The following PHF20L1 variants were observed in gnomAD, a reference collection of about 807,000 sequenced individuals.
PHF20L1 encodes PHD finger protein 20-like protein 1.
A neutral mutation model predicts 125.5 loss-of-function variants in PHF20L1; 44 were observed. The observed-to-expected ratio is 0.35, with a 90% CI of 0.28 to 0.45. PHF20L1 has a LOEUF of 0.45. Ranked by LOEUF, PHF20L1 falls within the 20% of genes least tolerant of loss-of-function variation. The pLI, the probability that PHF20L1 is intolerant of heterozygous loss-of-function variation, is 1.00. For missense variants in PHF20L1, 1,012 were observed against 1,217.2 expected, an observed-to-expected ratio of 0.83 and a Z score of 2.51; for synonymous variants, 380 against 403.1, an observed-to-expected ratio of 0.94 and a Z score of 0.69.
intron 16 of PHF20L1, among the ~76,000 whole-genome samples, chr8:132,837,192 G>A (rs949884976): frequency 3.3e-5 from 5 of 152,072 alleles, no homozygotes; most frequent in African/African-American, 1.2e-4. Flanking sequence ...TAAAAGGAAA[G>A]CATAACCCAA....
At position 132,846,063 on chromosome 8, in the gene PHF20L1, C is replaced by T; in HGVS notation, c.*140C>T. 1 of 597,260 alleles carries T rather than the reference C, an allele frequency of 1.7e-6. No homozygotes were observed. Among genetic ancestry groups the T allele is most frequent in the African/African-American group, 1.9e-5 (1 of 53,948 alleles). 37.0% of individuals were successfully genotyped at this position (597,260 alleles called of 1,614,324 possible). On this transcript the variant is annotated 3_prime_UTR_variant, in exon 21 of 21. Coordinates refer to ENST00000395386, the MANE Select transcript of PHF20L1 (RefSeq NM_016018.5). ...ATTTGTGATGTCAATAGGATGGCAC[C>T]TTGGAAAGAAAAATGAAGAACAACT...
At chr8:132,777,692 G>A (rs1213253122) in intron 1 of PHF20L1, 100 bp from the exon 2 acceptor site, 1 of 601,588 alleles carries the variant, frequency 1.7e-6, no homozygotes. Flanking sequence ...CTCATGTATT[G>A]TTTTAGAAAT....
intron 12 of PHF20L1, among the ~76,000 whole-genome samples, chr8:132,820,306 A>G (rs1223949872): frequency 6.6e-6 from 1 of 151,798 alleles, no homozygotes; most frequent in Non-Finnish European, 1.5e-5. Context: ...GTTTTTTGAA[A>G]AGGGGTCTTT....
intron 15 of PHF20L1, among the ~76,000 whole-genome samples, chr8:132,834,521 A>T (rs1837130060): frequency 6.6e-6 from 1 of 151,908 alleles, no homozygotes; most frequent in Non-Finnish European, 1.5e-5. Context: ...TTTTGTAGAG[A>T]TGAGGGCTTG....
At chr8:132,778,924 C>A (rs1830123835) in intron 2 of PHF20L1, among the ~76,000 whole-genome samples, 1 of 152,174 alleles carries the variant, frequency 6.6e-6, no homozygotes, top group Non-Finnish European at 1.5e-5. Context: ...TGATTTAAAA[C>A]CATACTGGGC....
intron 9 of PHF20L1, among the ~76,000 whole-genome samples, chr8:132,814,360 C>T (rs1276381873): frequency 6.6e-6 from 1 of 151,662 alleles, no homozygotes; most frequent in Non-Finnish European, 1.5e-5. Context: ...AATATTTGTC[C>T]AGTAAGATAA....
At chr8:132,784,503 A>AT (rs999208024) in intron 2 of PHF20L1, among the ~76,000 whole-genome samples, 61 of 148,698 alleles carry the variant, frequency 4.1e-4, no homozygotes, top group African/African-American at 9.6e-4. Flanking sequence ...GGGATGACAG[A>AT]TTTTTTTTTT....
rs1831193272 is a variant in PHF20L1 at position 132,787,532 on chromosome 8, C to T, written c.84-6878C>T. On this transcript the variant is annotated intron_variant, in intron 2 of 20. Transcript: ENST00000395386. Reference sequence around the variant, plus strand: ...AGTGTTGGAGAAGATATAATTTTGACCTATGAGCTATCATCTGAATGGTTT... The same window carrying T: ...AGTGTTGGAGAAGATATAATTTTGATCTATGAGCTATCATCTGAATGGTTT... 4.6e-5 allele frequency among the ~76,000 whole-genome samples: 7 copies of T among 152,096 alleles called. No homozygotes were observed. The South Asian group carries it at 1.5e-3, about 32-fold the overall frequency.
chr8:132,784,205 G>A (rs1278355072), intron 2 of PHF20L1, among the ~76,000 whole-genome samples: 1 of 151,962 alleles, frequency 6.6e-6, no homozygotes, highest in African/African-American at 2.4e-5. Context: ...TTGCTCTAGT[G>A]TTCTTCCTTT....
At chr8:132,816,733 C>T in intron 10 of PHF20L1, 155 bp from the exon 11 acceptor site, 1 of 539,310 alleles carries the variant, frequency 1.9e-6, no homozygotes, top group Non-Finnish European at 3.2e-6. Flanking sequence ...CAATTTTTGC[C>T]TTTGATTACC....
At chr8:132,836,376 G>A (rs1478928213) in intron 15 of PHF20L1, 164 bp from the exon 16 acceptor site, 2 of 506,260 alleles carry the variant, frequency 4.0e-6, no homozygotes, top group Non-Finnish European at 3.4e-6. Flanking sequence ...AAAATCTTTT[G>A]TTTCCATGTC....
Position 132,798,827 on chromosome 8 carries a change from C to T in PHF20L1, c.396C>T (p.His132=). 3 of 1,609,358 alleles carry T rather than the reference C, an allele frequency of 1.9e-6. No individual in the cohort carries two copies. Among genetic ancestry groups the T allele is most frequent in the Non-Finnish European group, 2.5e-6 (3 of 1,177,070 alleles). ...DGVIRCLKRM[H]IKAMPEDAKG... ...TAATTCGTTGTTTAAAAAGAATGCA[C>T]ATTAAAGCCATGCCCGAGGATGCTA... Residue 132 remains histidine (H), a synonymous_variant, in exon 5 of 21, where the codon CAC becomes CAT. Transcript: ENST00000395386.
chr8:132,846,137 A>G lies in PHF20L1; in HGVS notation c.*214A>G, dbSNP rs985359768. On this transcript the variant is annotated 3_prime_UTR_variant, in exon 21 of 21. Coordinates refer to ENST00000395386, the MANE Select transcript of PHF20L1 (RefSeq NM_016018.5). ...AAACAAATTCATGAGCAAGCTGCAAATGAGAATGTGTTATATGCCAAGGAA... is the reference window on the plus strand; with the variant it reads ...AAACAAATTCATGAGCAAGCTGCAAGTGAGAATGTGTTATATGCCAAGGAA... The G allele has an allele frequency of 2.1e-6, 1 of 483,688 alleles. No homozygotes were observed. 30.0% of individuals were successfully genotyped at this position (483,688 alleles called of 1,614,324 possible).
chr8:132,845,863 A>G lies in PHF20L1; in HGVS notation c.2994A>G (p.Ile998Met), dbSNP rs1459540125. 1.2e-6 allele frequency: 2 copies of G among 1,612,210 alleles called. No homozygotes were observed. Among genetic ancestry groups the G allele is most frequent in the South Asian group, 2.2e-5 (2 of 91,018 alleles). ...LARLPQLKRH[I>M]KQLLIDMGKV... Reference sequence around the variant, plus strand: ...GATTGCCCCAACTTAAACGCCACATAAAACAGCTCCTAATTGACATGGGCA... The same window carrying G: ...GATTGCCCCAACTTAAACGCCACATGAAACAGCTCCTAATTGACATGGGCA... The change falls in exon 21 of 21, where the codon ATA becomes ATG. Residue 998 changes from isoleucine (I) to methionine (M), a missense_variant. Ile to Met is a conservative substitution (Grantham distance 10, BLOSUM62 1). Around this residue, in one of 7 missense-constraint regions of PHF20L1, gnomAD observed 277 missense variants for 283.6 expected, o/e 0.98. Coordinates refer to ENST00000395386, the MANE Select transcript of PHF20L1 (RefSeq NM_016018.5).
chr8:132,824,045 A>T lies in PHF20L1; in HGVS notation c.1621A>T (p.Ser541Cys). 6.3e-7 allele frequency: 1 copy of T among 1,598,682 alleles called. No individual in the cohort carries two copies. Among genetic ancestry groups the T allele is most frequent in the Non-Finnish European group, 8.6e-7 (1 of 1,168,020 alleles). ...AAAAAAAGTGAAATTGGAAGACAAA[A>T]GCTCAACAGCATTTGGTATGAACAG... ...TEKKVKLEDK[S>C]STAFGKRKEK... Residue 541 changes from serine to cysteine, a missense_variant, in exon 13 of 21, where the codon AGC (serine) becomes TGC (cysteine). This residue lies in a region of PHF20L1 where 320 missense variants were observed against 293.8 expected (regional missense o/e 1.09). Transcript: ENST00000395386.
Position 132,794,527 on chromosome 8 carries a change from C to T in PHF20L1, c.201C>T (p.Pro67=). The change falls in exon 3 of 21, where the codon CCC becomes CCT. Residue 67 remains proline, a synonymous_variant. Transcript: ENST00000395386. ...ACTGGGATAGCAATAGATTGCGACC[C>T]CTTGAGAGACCAGCACTAAGAAAAG... ...WIYWDSNRLR[P]LERPALRKEG... 1 of 1,612,106 alleles carries T rather than the reference C, an allele frequency of 6.2e-7. No individual in the cohort carries two copies. Among genetic ancestry groups the T allele is most frequent in the Non-Finnish European group, 8.5e-7 (1 of 1,178,420 alleles).
chr8:132,794,700 C>A, intron 3 of PHF20L1, 33 bp from the exon 4 acceptor site: 1 of 1,531,308 alleles, frequency 6.5e-7, no homozygotes, highest in Non-Finnish European at 9.0e-7. Context: ...ATTTAATATA[C>A]ATGGAATTGA....
intron 2 of PHF20L1, among the ~76,000 whole-genome samples, chr8:132,786,612 GATTGAATGCATGGTCTTT>G (rs1270988077): frequency 6.6e-6 from 1 of 152,082 alleles, no homozygotes; most frequent in African/African-American, 2.4e-5. Context: ...AATCTGTAAT[GATTGAATGCATGGTCTTT>G]ATGGACAGGA....
chr8:132,793,942 T>G (rs1490395243), intron 2 of PHF20L1, among the ~76,000 whole-genome samples: 1 of 152,220 alleles, frequency 6.6e-6, no homozygotes, highest in Non-Finnish European at 1.5e-5. Context: ...GTAAATTCTT[T>G]GTAAACACCA....
Sources: allele counts gnomAD v4.1 joint callset (sites outside exome capture counted in the v4.1 genomes callset), GRCh38; gene constraint gnomAD v4.1.1; regional missense constraint gnomAD v4.1.1; transcripts MANE v1.5; gene names NCBI Gene and HGNC (gene_info 2026-07-23, HGNC 2026-07-21).